HHIP: variants seen among roughly 807,000 people sequenced by gnomAD.
The protein encoded by HHIP is hedgehog-interacting protein.
Under a neutral mutation model 74.0 loss-of-function variants are expected in HHIP, and 12 were observed. That is an observed-to-expected ratio of 0.16 (90% confidence interval 0.10 to 0.26). The LOEUF (loss-of-function observed/expected upper bound fraction) is 0.26, where lower values mean the gene tolerates loss of function less well. Ranked by LOEUF, HHIP falls within the 10% of genes least tolerant of loss-of-function variation. HHIP has a pLI of 1.00. For synonymous variants in HHIP, 309 were observed against 311.6 expected (o/e 0.99, Z 0.09); for missense variants, 788 against 845.0 (o/e 0.93, Z 0.84).
intron 2 of HHIP, among the ~76,000 whole-genome samples, chr4:144,655,437 T>C (rs1194544814): frequency 6.6e-6 from 1 of 152,196 alleles, no homozygotes; most frequent in South Asian, 2.1e-4. Flanking sequence ...CTTCTTCCTC[T>C]GTACCTGTAG....
chr4:144,684,798 T>G (rs1729443153), intron 4 of HHIP, among the ~76,000 whole-genome samples: 1 of 152,180 alleles, frequency 6.6e-6, no homozygotes, highest in Non-Finnish European at 1.5e-5. Context: ...AAAGTGGCAT[T>G]GTTGCTTCTG....
chr4:144,727,282 G>A (rs1489916253), intron 11 of HHIP, among the ~76,000 whole-genome samples: 2 of 151,398 alleles, frequency 1.3e-5, no homozygotes, highest in Admixed American at 6.6e-5. Flanking sequence ...TTCTTATAAC[G>A]GCAATAATCG....
At chr4:144,693,720 C>A (rs961127926) in intron 4 of HHIP, among the ~76,000 whole-genome samples, 1 of 151,916 alleles carries the variant, frequency 6.6e-6, no homozygotes, top group Non-Finnish European at 1.5e-5. Context: ...ATAGTTCACA[C>A]ATTTATTCTA....
At chr4:144,651,214 A>G (rs1204924572) in intron 1 of HHIP, among the ~76,000 whole-genome samples, 1 of 152,138 alleles carries the variant, frequency 6.6e-6, no homozygotes, top group Non-Finnish European at 1.5e-5. Flanking sequence ...AATTTTATCC[A>G]TTTAAGCAAT....
intron 4 of HHIP, among the ~76,000 whole-genome samples, chr4:144,701,429 T>C (rs1428957037): frequency 6.6e-6 from 1 of 152,086 alleles, no homozygotes; most frequent in Non-Finnish European, 1.5e-5. Flanking sequence ...TTATCTTTAA[T>C]ACTTGTTTTT....
intron 11 of HHIP, among the ~76,000 whole-genome samples, chr4:144,728,710 A>G (rs1730866330): frequency 6.6e-6 from 1 of 152,186 alleles, no homozygotes; most frequent in South Asian, 2.1e-4. Flanking sequence ...TAGTACTTGA[A>G]AAATACATTA....
At chr4:144,717,442 T>C (rs536743565) in intron 10 of HHIP, among the ~76,000 whole-genome samples, 1 of 152,166 alleles carries the variant, frequency 6.6e-6, no homozygotes, top group Non-Finnish European at 1.5e-5. Context: ...TTTTCAGAAG[T>C]AGAAAAGTAG....
chr4:144,702,515 A>G (rs1310297115), intron 4 of HHIP, among the ~76,000 whole-genome samples: 1 of 152,182 alleles, frequency 6.6e-6, no homozygotes, highest in African/African-American at 2.4e-5. Flanking sequence ...TTGCGGGAAC[A>G]TTATTTTCAA....
intron 4 of HHIP, among the ~76,000 whole-genome samples, chr4:144,676,651 G>A (rs1465694401): frequency 6.6e-6 from 1 of 152,118 alleles, no homozygotes; most frequent in Non-Finnish European, 1.5e-5. Context: ...CCAAAACACA[G>A]GACCTAGAAT....
At chr4:144,683,769 G>A (rs1343709200) in intron 4 of HHIP, among the ~76,000 whole-genome samples, 3 of 152,148 alleles carry the variant, frequency 2.0e-5, no homozygotes. Context: ...AGCGAGGTTT[G>A]AGTAGTTGCC....
intron 4 of HHIP, among the ~76,000 whole-genome samples, chr4:144,690,477 T>C (rs1406157047): frequency 1.3e-5 from 2 of 152,142 alleles, no homozygotes; most frequent in African/African-American, 4.8e-5. Flanking sequence ...TCTTAAACGA[T>C]CAACAAGTTA....
chr4:144,672,183 T>C (rs1369091068), intron 4 of HHIP, among the ~76,000 whole-genome samples: 4 of 152,158 alleles, frequency 2.6e-5, no homozygotes, highest in Non-Finnish European at 5.9e-5. Context: ...TTTTGATTTT[T>C]TTCCCTTTGT....
At chr4:144,656,269 C>T (rs796652970) in intron 2 of HHIP, among the ~76,000 whole-genome samples, 19 of 152,252 alleles carry the variant, frequency 1.2e-4, no homozygotes, top group African/African-American at 4.6e-4. Context: ...GGTTTTCACA[C>T]TTAGGTTATT....
intron 10 of HHIP, among the ~76,000 whole-genome samples, chr4:144,716,636 T>C (rs1005099232): frequency 1.3e-5 from 2 of 151,962 alleles, no homozygotes; most frequent in South Asian, 2.1e-4. Flanking sequence ...TCGTCTGACA[T>C]TGGGAATTCA....
intron 11 of HHIP, among the ~76,000 whole-genome samples, chr4:144,726,031 A>C (rs1229310781): frequency 6.6e-6 from 1 of 152,168 alleles, no homozygotes; most frequent in East Asian, 1.9e-4. Context: ...TCACAATAAA[A>C]ATAGATAAAA....
At position 144,718,867 on chromosome 4, in the gene HHIP, T is replaced by C. The variant is rs200001257; in HGVS notation, c.1679-8T>C. Reference sequence around the variant, plus strand: ...AAATTTGCTTATTGTTATTTCTTTCTTTAACAGGTGAAGTTTACATTTTAT... The same window carrying C: ...AAATTTGCTTATTGTTATTTCTTTCCTTAACAGGTGAAGTTTACATTTTAT... On this transcript the variant is annotated splice_polypyrimidine_tract_variant and splice_region_variant and intron_variant, in intron 10 of 12. Coordinates refer to ENST00000296575, the MANE Select transcript of HHIP (RefSeq NM_022475.3). 1 of 1,583,060 alleles carries C rather than the reference T, an allele frequency of 6.3e-7. No homozygotes were observed. Among genetic ancestry groups the C allele is most frequent in the African/African-American group, 1.3e-5 (1 of 74,372 alleles).
In HHIP at chr4:144,670,764, GAAAAAAAA is replaced by G. The variant is rs1167213848; in HGVS notation, c.831+10943_831+10950del. The stretch of plus-strand genomic sequence containing the variant: ...GTGAGTGAAAAGATGCTTAAGATTT[GAAAAAAAA>G]AAAAAAAAAAAAAAAAGAAAGAAAG... On this transcript the variant is annotated intron_variant, in intron 4 of 12. Coordinates refer to ENST00000296575, the MANE Select transcript of HHIP (RefSeq NM_022475.3). Among the ~76,000 whole-genome samples the G allele has an allele frequency of 5.6e-3, 308 of 54,918 alleles. 2 individuals carry two copies. The highest frequency in any genetic ancestry group is 0.022 in the African/African-American group (297 of 13,590). 36.0% of individuals were successfully genotyped at this position (54,918 alleles called of 152,430 possible).
rs1196584729 is a variant in HHIP at position 144,742,964 on chromosome 4, GAT to G, written c.*5012_*5013del. 15 of 5,318 alleles carry G rather than the reference GAT, an allele frequency of 2.8e-3. 1 individual carries two copies. In the Admixed American group the frequency reaches 0.059, roughly 21 times the overall value. 0.3% of individuals were successfully genotyped at this position (5,318 alleles called of 1,614,324 possible). On this transcript the variant is annotated 3_prime_UTR_variant, in exon 13 of 13. Transcript: ENST00000296575. Reference sequence around the variant, plus strand: ...TTATATATATATCTTATACATATAAGATATATGTATATATATATACATTATAT... The same window carrying G: ...TTATATATATATCTTATACATATAAGATATGTATATATATATACATTATAT...
intron 4 of HHIP, among the ~76,000 whole-genome samples, chr4:144,685,342 A>G (rs1729457263): frequency 6.6e-6 from 1 of 152,258 alleles, no homozygotes; most frequent in Non-Finnish European, 1.5e-5. Flanking sequence ...AACTATGTTC[A>G]GAAAACCAGG....
Sources: gnomAD v4.1 joint callset for allele counts (sites outside exome capture counted in the v4.1 genomes callset) on GRCh38, gnomAD v4.1.1 for gene constraint, MANE v1.5 for transcripts, NCBI Gene and HGNC (gene_info 2026-07-23, HGNC 2026-07-21) for gene names.